EYS: variants seen among roughly 807,000 people sequenced by gnomAD.
EYS encodes the protein EGF-like photoreceptor maintenance factor, also known as protein eyes shut homolog.
A neutral mutation model predicts 282.1 loss-of-function variants in EYS; 250 were observed. The ratio of observed to expected loss-of-function variants is 0.89; its 90% CI spans 0.80 to 0.98. The LOEUF (loss-of-function observed/expected upper bound fraction) is 0.98, where lower values mean the gene tolerates loss of function less well. Among genes scored for constraint, EYS ranks in the 50% least tolerant of loss-of-function variants. The pLI is 0.00. For synonymous variants in EYS, 1,355 were observed against 1,282.9 expected, an observed-to-expected ratio of 1.06 and a Z score of -1.20; for missense variants, 4,016 against 3,709.0, an observed-to-expected ratio of 1.08 and a Z score of -2.15.
chr6:65,662,615 C>T (rs916809359), intron 1 of EYS, among the ~76,000 whole-genome samples: 4 of 152,132 alleles, frequency 2.6e-5, no homozygotes, highest in Admixed American at 2.0e-4. Context: ...TCTTTTGCCC[C>T]ATCTTTCAGC....
At chr6:64,108,310 A>G (rs1240491063) in intron 31 of EYS, among the ~76,000 whole-genome samples, 15 of 152,102 alleles carry the variant, frequency 9.9e-5, no homozygotes, top group Admixed American at 9.2e-4. Context: ...TTCTGCTCCA[A>G]TAAATTATAA....
intron 2 of EYS, among the ~76,000 whole-genome samples, chr6:65,633,832 C>A (rs1035401917): frequency 3.3e-5 from 5 of 152,190 alleles, no homozygotes; most frequent in African/African-American, 7.2e-5. Flanking sequence ...CACAGTCATT[C>A]ATTTACATAT....
chr6:64,164,725 C>T (rs1459041242), intron 31 of EYS, among the ~76,000 whole-genome samples: 1 of 152,078 alleles, frequency 6.6e-6, no homozygotes, highest in African/African-American at 2.4e-5. Context: ...TGCCGAGGAC[C>T]TCACTTCAGA....
At chr6:65,205,520 C>G (rs773462048) in intron 12 of EYS, among the ~76,000 whole-genome samples, 1 of 151,670 alleles carries the variant, frequency 6.6e-6, no homozygotes, top group Non-Finnish European at 1.5e-5. Context: ...GTAAACAAAC[C>G]CTGACTTAAA....
At chr6:65,443,414 CCA>C (rs1271426778) in intron 5 of EYS, among the ~76,000 whole-genome samples, 1 of 120,870 alleles carries the variant, frequency 8.3e-6, no homozygotes, top group African/African-American at 3.1e-5. Flanking sequence ...ACACATATAG[CCA>C]TATATGTACA....
intron 34 of EYS, among the ~76,000 whole-genome samples, chr6:63,991,065 C>A (rs13211311): frequency 0.35 from 53,296 of 151,430 alleles, 9,464 homozygotes; most frequent in African/African-American, 0.38. Flanking sequence ...CAGCTTGTGG[C>A]AGATCCAGAG....
intron 33 of EYS, among the ~76,000 whole-genome samples, chr6:64,014,475 A>C (rs766513249): frequency 1.3e-5 from 2 of 152,196 alleles, no homozygotes; most frequent in Non-Finnish European, 2.9e-5. Context: ...GAAACAGAAA[A>C]TATTTTAATG....
At chr6:65,513,217 A>T (rs891495514) in intron 2 of EYS, among the ~76,000 whole-genome samples, 26 of 152,336 alleles carry the variant, frequency 1.7e-4, no homozygotes, top group African/African-American at 6.3e-4. Context: ...CTCCACACAT[A>T]CACCCTCCCA....
intron 19 of EYS, among the ~76,000 whole-genome samples, chr6:64,882,996 A>C (rs1481338596): frequency 2.0e-5 from 3 of 151,576 alleles, no homozygotes; most frequent in African/African-American, 7.2e-5. Context: ...GTTGCATCTG[A>C]GTTATGGTAT....
intron 13 of EYS, among the ~76,000 whole-genome samples, chr6:65,028,205 T>C (rs1033280336): frequency 2.6e-5 from 4 of 152,106 alleles, no homozygotes; most frequent in African/African-American, 9.6e-5. Context: ...ATTAAAATAG[T>C]GCAAGAAACT....
At chr6:64,310,785 A>T (rs938989465) in intron 29 of EYS, among the ~76,000 whole-genome samples, 16 of 152,178 alleles carry the variant, frequency 1.1e-4, no homozygotes, top group Admixed American at 9.8e-4. Flanking sequence ...AGAGAGAGAG[A>T]GAAAGGGAAC....
chr6:65,340,138 A>G (rs981543450), intron 10 of EYS, among the ~76,000 whole-genome samples: 3 of 151,140 alleles, frequency 2.0e-5, no homozygotes, highest in Non-Finnish European at 3.0e-5. Context: ...AATAAAATAA[A>G]CTTGGTAAAA....
At chr6:64,870,291 A>G (rs962487001) in intron 19 of EYS, among the ~76,000 whole-genome samples, 11 of 151,696 alleles carry the variant, frequency 7.3e-5, no homozygotes, top group Non-Finnish European at 1.6e-4. Flanking sequence ...AGTGATTGTG[A>G]ATACTCAAAA....
intron 22 of EYS, among the ~76,000 whole-genome samples, chr6:64,788,783 T>A (rs1379460989): frequency 6.6e-5 from 10 of 152,218 alleles, no homozygotes; most frequent in African/African-American, 2.2e-4. Flanking sequence ...TGGGCATTTT[T>A]AAAAAAGATG....
intron 33 of EYS, among the ~76,000 whole-genome samples, chr6:64,043,507 T>C (rs1459781106): frequency 1.3e-5 from 2 of 152,224 alleles, no homozygotes; most frequent in East Asian, 1.9e-4. Flanking sequence ...ACATGCACCA[T>C]GTTGGAGCCA....
At chr6:65,285,239 T>G (rs1295732490) in intron 12 of EYS, among the ~76,000 whole-genome samples, 1 of 152,062 alleles carries the variant, frequency 6.6e-6, no homozygotes, top group Non-Finnish European at 1.5e-5. Context: ...GAAATTTTAC[T>G]CTGCAATTGT....
intron 28 of EYS, among the ~76,000 whole-genome samples, chr6:64,416,608 C>G (rs1007445874): frequency 2.7e-5 from 4 of 150,354 alleles, no homozygotes; most frequent in African/African-American, 9.8e-5. Flanking sequence ...ATTCATTAGG[C>G]AAAACTTCAT....
At chr6:65,005,453 C>T (rs957015894) in intron 13 of EYS, among the ~76,000 whole-genome samples, 3 of 147,498 alleles carry the variant, frequency 2.0e-5, no homozygotes, top group Admixed American at 1.3e-4. Flanking sequence ...AGCGGGTCAC[C>T]GCCATCTTGG....
intron 35 of EYS, among the ~76,000 whole-genome samples, chr6:63,926,352 G>A (rs1764715453): frequency 6.6e-6 from 1 of 152,120 alleles, no homozygotes; most frequent in African/African-American, 2.4e-5. Flanking sequence ...TAGCAGGAAG[G>A]GCCCTTAGCA....
Sources: gnomAD v4.1 joint callset for allele counts (sites outside exome capture counted in the v4.1 genomes callset) on GRCh38, gnomAD v4.1.1 for gene constraint, MANE v1.5 for transcripts, NCBI Gene and HGNC (gene_info 2026-07-23, HGNC 2026-07-21) for gene names.